Variants in MBD5 observed in about 807,000 individuals in gnomAD.
MBD5 encodes methyl-CpG binding domain protein 5.
In MBD5, 13 loss-of-function variants were observed where a neutral mutation model predicts 117.3. That is an observed-to-expected ratio of 0.11 (90% CI 0.07 to 0.18). The LOEUF (loss-of-function observed/expected upper bound fraction) is 0.18, where lower values mean the gene tolerates loss of function less well. Ranked by LOEUF, MBD5 falls within the 10% of genes least tolerant of loss-of-function variation. The pLI, the probability that MBD5 is intolerant of heterozygous loss-of-function variation, is 1.00. For missense variants in MBD5, 1,879 were observed against 2,093.8 expected (o/e 0.90, Z 2.00); for synonymous variants, 727 against 766.4 (o/e 0.95, Z 0.85).
chr2:148,388,959 T>C (rs939023313), intron 4 of MBD5, among the ~76,000 whole-genome samples: 1 of 151,838 alleles, frequency 6.6e-6, no homozygotes, highest in Admixed American at 6.6e-5. Flanking sequence ...ACCCAATAGG[T>C]AGTTTTTCAA....
chr2:148,419,044 G>C (rs1705514192), intron 4 of MBD5, among the ~76,000 whole-genome samples: 1 of 152,048 alleles, frequency 6.6e-6, no homozygotes, highest in African/African-American at 2.4e-5. Context: ...ACAGACCAAT[G>C]GAACAGAATA....
intron 1 of MBD5, among the ~76,000 whole-genome samples, chr2:148,129,166 A>G (rs949153049): frequency 6.6e-6 from 1 of 152,178 alleles, no homozygotes; most frequent in Non-Finnish European, 1.5e-5. Flanking sequence ...GAACACAAAG[A>G]TGTCTGAGGG....
chr2:148,068,534 A>G (rs1479602784), intron 1 of MBD5: 1 of 152,186 alleles, frequency 6.6e-6, no homozygotes, highest in South Asian at 2.1e-4. Flanking sequence ...CATAGTACCC[A>G]TATGTTCTGA....
intron 3 of MBD5, among the ~76,000 whole-genome samples, chr2:148,262,288 A>G (rs999937605): frequency 6.6e-6 from 1 of 152,134 alleles, no homozygotes; most frequent in Non-Finnish European, 1.5e-5. Context: ...GGGAAATGGG[A>G]GATCAAGGAA....
intron 3 of MBD5, among the ~76,000 whole-genome samples, chr2:148,233,720 A>G (rs986386435): frequency 6.6e-6 from 1 of 152,154 alleles, no homozygotes; most frequent in African/African-American, 2.4e-5. Flanking sequence ...TCTTGGACAC[A>G]TATATAACTG....
intron 4 of MBD5, among the ~76,000 whole-genome samples, chr2:148,445,662 T>C (rs1378865560): frequency 6.6e-6 from 1 of 151,412 alleles, no homozygotes; most frequent in Non-Finnish European, 1.5e-5. Context: ...AGTAATGGGA[T>C]TGCTGGGTCA....
chr2:148,212,101 T>A (rs910943800), intron 2 of MBD5, among the ~76,000 whole-genome samples: 3 of 152,190 alleles, frequency 2.0e-5, no homozygotes, highest in Admixed American at 2.0e-4. Context: ...ATAATTCATG[T>A]CATAAAGTTG....
At chr2:148,425,093 G>A (rs1019842780) in intron 4 of MBD5, among the ~76,000 whole-genome samples, 1 of 152,074 alleles carries the variant, frequency 6.6e-6, no homozygotes, top group African/African-American at 2.4e-5. Flanking sequence ...ATGAATCCAG[G>A]AGCTGGTTTT....
At chr2:148,404,128 T>G (rs1221855543) in intron 4 of MBD5, among the ~76,000 whole-genome samples, 3 of 66,830 alleles carry the variant, frequency 4.5e-5, no homozygotes, top group African/African-American at 1.0e-4. Flanking sequence ...GCATTATGGG[T>G]TTTTTTTTTT....
chr2:148,469,811 T>C lies in MBD5; in HGVS notation c.1868T>C (p.Met623Thr), dbSNP rs1036713038. The C allele has an allele frequency of 1.9e-6, 3 of 1,613,898 alleles. No individual in the cohort carries two copies. The highest frequency in any genetic ancestry group is 3.3e-4 in the Middle Eastern group (2 of 6,056). ...NTEGHSTLNTMFPPTANMLLP... is the reference protein window; with the variant it reads ...NTEGHSTLNTTFPPTANMLLP... ...GAAGGACATAGCACTTTAAACACCA[T>C]GTTCCCTCCTACTGCCAACATGCTT... The change falls in exon 8 of 14, where the codon ATG (methionine) becomes ACG (threonine). Residue 623 changes from methionine to threonine, a missense_variant. Physicochemically the swap from Met to Thr is moderately conservative, Grantham distance 81. This residue lies in a region of MBD5 where 1,666 missense variants were observed against 1,792.2 expected (regional missense o/e 0.93). Transcript: ENST00000642680.
chr2:148,189,437 G>T (rs1017721185), intron 2 of MBD5, among the ~76,000 whole-genome samples: 4 of 147,824 alleles, frequency 2.7e-5, no homozygotes, highest in Non-Finnish European at 6.0e-5. Context: ...TCCTCAAGTG[G>T]GTCCCTGACC....
At chr2:148,315,943 A>G (rs1026122658) in intron 3 of MBD5, among the ~76,000 whole-genome samples, 1 of 152,214 alleles carries the variant, frequency 6.6e-6, no homozygotes, top group Non-Finnish European at 1.5e-5. Flanking sequence ...TGATTGACTC[A>G]CAGTTCCATA....
intron 3 of MBD5, among the ~76,000 whole-genome samples, chr2:148,299,983 T>C (rs1376425125): frequency 1.3e-5 from 2 of 152,344 alleles, no homozygotes; most frequent in African/African-American, 4.8e-5. Context: ...CAAATGATTG[T>C]CACAGAATAT....
At chr2:148,472,347 T>C (rs2105662441) in intron 8 of MBD5, 1 of 152,218 alleles carries the variant, frequency 6.6e-6, no homozygotes, top group East Asian at 1.9e-4. Flanking sequence ...AGAAATGATA[T>C]GAATATGACC....
At chr2:148,511,421 G>C (rs886461228) in intron 13 of MBD5, among the ~76,000 whole-genome samples, 2 of 152,228 alleles carry the variant, frequency 1.3e-5, no homozygotes, top group Non-Finnish European at 2.9e-5. Context: ...TCAGGTAGTT[G>C]AGAGTAATAA....
Position 148,064,121 on chromosome 2 carries a change from C to CTTTTTT in MBD5, c.-925+42438_-925+42443dup, listed in dbSNP as rs200434229. On this transcript the variant is annotated intron_variant, in intron 1 of 13. Coordinates refer to ENST00000642680, the MANE Select transcript of MBD5 (RefSeq NM_001378120.1). The stretch of plus-strand genomic sequence containing the variant: ...GAAACATACTATTCCCACCAGCTGT[C>CTTTTTT]TTTTTTCTTTTTTTTTTTTTTTGAG... Among the ~76,000 whole-genome samples, 257 of 126,140 alleles carry CTTTTTT rather than the reference C, an allele frequency of 2.0e-3. 17 individuals carry two copies. The highest frequency in any genetic ancestry group is 6.9e-3 in the African/African-American group (220 of 31,788). The allele number at this position is 126,140 out of a possible 152,430, so 82.8% of individuals were successfully genotyped here.
chr2:148,264,061 A>G (rs1700795211), intron 3 of MBD5: 1 of 152,230 alleles, frequency 6.6e-6, no homozygotes, highest in South Asian at 2.1e-4. Flanking sequence ...ATGGAGATAT[A>G]TACATCATCT....
intron 11 of MBD5, among the ~76,000 whole-genome samples, chr2:148,494,101 G>A (rs1358290991): frequency 1.3e-5 from 2 of 152,076 alleles, no homozygotes; most frequent in Non-Finnish European, 2.9e-5. Flanking sequence ...CCTATCCTCT[G>A]CCCTTTATGT....
chr2:148,127,399 A>G (rs747414694), intron 1 of MBD5, among the ~76,000 whole-genome samples: 2 of 152,092 alleles, frequency 1.3e-5, no homozygotes, highest in Non-Finnish European at 2.9e-5. Context: ...CCCGCAGCTC[A>G]TGACAGGCCC....
Sources: gnomAD v4.1 joint callset for allele counts (sites outside exome capture counted in the v4.1 genomes callset) on GRCh38, gnomAD v4.1.1 for gene constraint, gnomAD v4.1.1 regional missense constraint, MANE v1.5 for transcripts, NCBI Gene and HGNC (gene_info 2026-07-23, HGNC 2026-07-21) for gene names.